NCOA2: variants seen among roughly 807,000 people sequenced by gnomAD.
NCOA2 encodes the protein nuclear receptor coactivator 2.
In NCOA2, 21 loss-of-function variants were observed where a neutral mutation model predicts 145.1. The ratio of observed to expected loss-of-function variants is 0.14; its 90% confidence interval spans 0.10 to 0.21. NCOA2 has a LOEUF of 0.21. Ranked by LOEUF, NCOA2 falls within the 10% of genes least tolerant of loss-of-function variation. The pLI is 1.00. For synonymous variants in NCOA2, 619 were observed against 637.5 expected, an observed-to-expected ratio of 0.97 and a Z score of 0.44; for missense variants, 1,472 against 1,837.6, an observed-to-expected ratio of 0.80 and a Z score of 3.64.
At chr8:70,242,544 T>A (rs921743554) in intron 2 of NCOA2, among the ~76,000 whole-genome samples, 1 of 152,142 alleles carries the variant, frequency 6.6e-6, no homozygotes, top group African/African-American at 2.4e-5. Flanking sequence ...ATAAGCCAAC[T>A]GATTCTAAAC....
the NCOA2 span, among the ~76,000 whole-genome samples, chr8:70,449,321 T>G: frequency 6.6e-6 from 1 of 152,180 alleles, no homozygotes; most frequent in Non-Finnish European, 1.5e-5. Flanking sequence ...TTCTAAAGTT[T>G]TGGGCACTAT....
At chr8:70,366,872 A>G (rs1810741039) in intron 1 of NCOA2, among the ~76,000 whole-genome samples, 1 of 152,210 alleles carries the variant, frequency 6.6e-6, no homozygotes, top group Admixed American at 6.5e-5. Flanking sequence ...CTTTGGCAGC[A>G]TATCATCCAA....
intron 11 of NCOA2, among the ~76,000 whole-genome samples, chr8:70,153,668 CA>C (rs1278539632): frequency 1.3e-5 from 2 of 152,176 alleles, no homozygotes; most frequent in East Asian, 3.8e-4. Flanking sequence ...TCTGGATTAC[CA>C]CTAGCTGTGT....
In NCOA2 at chr8:70,135,150, A is replaced by G. The variant is rs369411996; in HGVS notation, c.3158+3053T>C. On this transcript the variant is annotated intron_variant, in intron 15 of 22. Coordinates refer to ENST00000452400, the MANE Select transcript of NCOA2 (RefSeq NM_006540.4). Reference sequence around the variant, plus strand: ...GATCTTTCTCCAAAAGATGCTACACATACCACCAGAAAACCAATACCTTGA... The same window carrying G: ...GATCTTTCTCCAAAAGATGCTACACGTACCACCAGAAAACCAATACCTTGA... Among the ~76,000 whole-genome samples, 8 of 152,144 alleles carry G rather than the reference A, an allele frequency of 5.3e-5. No homozygotes were observed. In the East Asian group the frequency reaches 1.5e-3, roughly 29 times the overall value.
chr8:70,373,240 T>G (rs1009383444), intron 1 of NCOA2, among the ~76,000 whole-genome samples: 1 of 152,232 alleles, frequency 6.6e-6, no homozygotes, highest in Non-Finnish European at 1.5e-5. Flanking sequence ...ATTTGCTTCA[T>G]AGTCTCCCCT....
At chr8:70,360,299 T>C (rs535047216) in intron 1 of NCOA2, among the ~76,000 whole-genome samples, 3 of 152,318 alleles carry the variant, frequency 2.0e-5, no homozygotes, top group Admixed American at 1.3e-4. Flanking sequence ...ATCTGAGAAT[T>C]TAGCACATAT....
At chr8:70,281,027 T>C (rs1449617869) in intron 2 of NCOA2, among the ~76,000 whole-genome samples, 1 of 151,664 alleles carries the variant, frequency 6.6e-6, no homozygotes, top group Non-Finnish European at 1.5e-5. Flanking sequence ...GCTTCTAATG[T>C]GAATTAAGCA....
chr8:70,125,561 G>A (rs1808319624), intron 19 of NCOA2, among the ~76,000 whole-genome samples: 1 of 152,126 alleles, frequency 6.6e-6, no homozygotes, highest in Non-Finnish European at 1.5e-5. Flanking sequence ...TGGCCAGATT[G>A]TTTAAATTAA....
chr8:70,170,463 A>G, intron 5 of NCOA2, 84 bp from the exon 6 acceptor site: 1 of 1,191,376 alleles, frequency 8.4e-7, no homozygotes, highest in Non-Finnish European at 1.1e-6. Flanking sequence ...ATCCCTTTCA[A>G]GGAAACACAA....
chr8:70,347,561 T>C lies in NCOA2; in HGVS notation c.-76-50761A>G, dbSNP rs145654520. ...GTCCCAGCTACTTGGGAGGCTGAGG[T>C]AAGAGGATCACTTGAGCCTGGGAGG... On this transcript the variant is annotated intron_variant, in intron 1 of 22. Coordinates refer to ENST00000452400, the MANE Select transcript of NCOA2 (RefSeq NM_006540.4). Among the ~76,000 whole-genome samples, 51 of 151,140 alleles carry C rather than the reference T, an allele frequency of 3.4e-4. 1 individual carries two copies. The highest frequency in any genetic ancestry group is 3.4e-3 in the Middle Eastern group (1 of 292).
intron 9 of NCOA2, among the ~76,000 whole-genome samples, chr8:70,161,655 A>G (rs1409078234): frequency 1.3e-5 from 2 of 152,228 alleles, no homozygotes; most frequent in East Asian, 3.9e-4. Flanking sequence ...CATTAGGTGG[A>G]TGATGACAAA....
At chr8:70,395,471 A>G (rs1014681464) in intron 1 of NCOA2, among the ~76,000 whole-genome samples, 1 of 152,230 alleles carries the variant, frequency 6.6e-6, no homozygotes, top group African/African-American at 2.4e-5. Flanking sequence ...ATATTAGGTT[A>G]AATTTGTAGA....
At chr8:70,430,411 AG>A in the NCOA2 span, among the ~76,000 whole-genome samples, 1 of 152,208 alleles carries the variant, frequency 6.6e-6, no homozygotes. Context: ...AGCTTTATAA[AG>A]GGATAATTGG....
chr8:70,258,177 A>C (rs1470639334), intron 2 of NCOA2, among the ~76,000 whole-genome samples: 1 of 152,188 alleles, frequency 6.6e-6, no homozygotes, highest in Non-Finnish European at 1.5e-5. Context: ...TCGGCCTCCC[A>C]AAGTGCTGGG....
chr8:70,165,947 G>A (rs1813566000), intron 7 of NCOA2, among the ~76,000 whole-genome samples: 1 of 152,138 alleles, frequency 6.6e-6, no homozygotes, highest in African/African-American at 2.4e-5. Context: ...AGCCTCCTGA[G>A]TAGCTGGGAC....
intron 6 of NCOA2, 61 bp from the exon 7 acceptor site, chr8:70,166,815 G>A: frequency 7.0e-7 from 1 of 1,436,328 alleles, no homozygotes; most frequent in Non-Finnish European, 9.6e-7. Flanking sequence ...CATTGCCTCT[G>A]AATTATTAAA....
At chr8:70,341,280 C>G (rs1414124746) in intron 1 of NCOA2, among the ~76,000 whole-genome samples, 1 of 151,998 alleles carries the variant, frequency 6.6e-6, no homozygotes, top group African/African-American at 2.4e-5. Context: ...GTAGTCACAG[C>G]TACTTGGGAG....
chr8:70,422,514 G>A, the NCOA2 span, among the ~76,000 whole-genome samples: 8 of 151,798 alleles, frequency 5.3e-5, no homozygotes, highest in Non-Finnish European at 8.8e-5. Context: ...AGGGTCGAGC[G>A]ATCCTCCCAC....
At chr8:70,292,019 G>C (rs1379709288) in intron 2 of NCOA2, among the ~76,000 whole-genome samples, 2 of 150,320 alleles carry the variant, frequency 1.3e-5, no homozygotes, top group Non-Finnish European at 3.0e-5. Context: ...AGCTTGCAGT[G>C]AGCTGAGATC....
Sources: allele counts gnomAD v4.1 joint callset (sites outside exome capture counted in the v4.1 genomes callset), GRCh38; gene constraint gnomAD v4.1.1; transcripts MANE v1.5; gene names NCBI Gene and HGNC (gene_info 2026-07-23, HGNC 2026-07-21).